BMPR1A: variants seen among roughly 807,000 people sequenced by gnomAD.
BMPR1A encodes bone morphogenetic protein receptor type 1A.
BMPR1A carries 7 observed loss-of-function variants against 66.0 expected under a neutral mutation model. The observed-to-expected ratio is 0.11, with a 90% CI of 0.06 to 0.20. The LOEUF is 0.20. Among genes scored for constraint, BMPR1A ranks in the 10% least tolerant of loss-of-function variants. The probability of loss-of-function intolerance (pLI) is 1.00; values close to 1 mark genes in which losing one functional copy is unlikely to be tolerated. For missense variants in BMPR1A, 408 were observed against 669.1 expected (o/e 0.61, Z 4.31); for synonymous variants, 200 against 229.7 (o/e 0.87, Z 1.17).
chr10:86,836,677 AG>A (rs1447340707), intron 1 of BMPR1A, among the ~76,000 whole-genome samples: 2 of 152,202 alleles, frequency 1.3e-5, no homozygotes, highest in African/African-American at 4.8e-5. Context: ...GTTCGCCTGT[AG>A]TCCCAGCTAC....
intron 2 of BMPR1A, among the ~76,000 whole-genome samples, chr10:86,848,892 C>A (rs2354355): frequency 1.3e-5 from 2 of 151,962 alleles, no homozygotes; most frequent in African/African-American, 4.8e-5. Flanking sequence ...TTTTATCAGC[C>A]CCCCCTCTAT....
rs947225412 is a variant in BMPR1A, at chr10:86,927,231, A to G, written c.*3512A>G. The G allele has an allele frequency of 3.7e-5, 7 of 190,380 alleles. No homozygotes were observed. Among genetic ancestry groups the G allele is most frequent in the African/African-American group, 9.3e-5 (4 of 42,910 alleles). The allele number at this position is 190,380 out of a possible 1,614,324, so 11.8% of individuals were successfully genotyped here. ...GCATCTTTGGGTTGGCCCAGGATCA[A>G]ATTTGATATTGAATAATTTATTCCA... On this transcript the variant is annotated 3_prime_UTR_variant, in exon 13 of 13. Coordinates refer to ENST00000372037, the MANE Select transcript of BMPR1A (RefSeq NM_004329.3).
At chr10:86,862,912 A>G (rs1842731243) in intron 2 of BMPR1A, among the ~76,000 whole-genome samples, 1 of 152,148 alleles carries the variant, frequency 6.6e-6, no homozygotes, top group Admixed American at 6.5e-5. Flanking sequence ...AAGGAAAGAT[A>G]AATAGTGACA....
At chr10:86,860,411 A>G (rs1589750258) in intron 2 of BMPR1A, among the ~76,000 whole-genome samples, 2 of 152,248 alleles carry the variant, frequency 1.3e-5, no homozygotes, top group East Asian at 1.9e-4. Context: ...ATAAAAGGCA[A>G]GTTGATGTGT....
chr10:86,826,005 A>G (rs932835425), intron 1 of BMPR1A, among the ~76,000 whole-genome samples: 3 of 152,230 alleles, frequency 2.0e-5, no homozygotes, highest in African/African-American at 7.2e-5. Flanking sequence ...GAAAAGTTGA[A>G]TGAATAGTGA....
intron 3 of BMPR1A, among the ~76,000 whole-genome samples, chr10:86,876,549 C>T (rs1025155925): frequency 6.6e-6 from 1 of 151,964 alleles, no homozygotes. Context: ...TTTGGGAGGC[C>T]GAGGTGGGCG....
At chr10:86,809,595 C>CTTTTTTTTTTTTTTTTT (rs71019431) in intron 1 of BMPR1A, among the ~76,000 whole-genome samples, 3 of 123,882 alleles carry the variant, frequency 2.4e-5, no homozygotes, top group African/African-American at 6.3e-5. Context: ...CACCCGACCT[C>CTTTTTTTTTTTTTTTTT]TTTTTTTTTT....
rs1316015968 is a variant in BMPR1A, at chr10:86,833,492, T to A, written c.-267-5373T>A. On this transcript the variant is annotated intron_variant, in intron 1 of 12. Transcript: ENST00000372037. ...TGAGCAGCATTTAGTAACTCCTGAG[T>A]ATAATAGATGAAGCAGAGGGAGGTG... is the stretch of plus-strand genomic sequence containing the variant. 3.3e-5 allele frequency among the ~76,000 whole-genome samples: 5 copies of A among 152,086 alleles called. 1 individual carries two copies. Among genetic ancestry groups the A allele is most frequent in the African/African-American group, 1.2e-4 (5 of 41,400 alleles).
intron 1 of BMPR1A, among the ~76,000 whole-genome samples, chr10:86,786,232 T>G (rs1841514241): frequency 6.6e-6 from 1 of 152,192 alleles, no homozygotes; most frequent in African/African-American, 2.4e-5. Flanking sequence ...AACAACATAC[T>G]GTTGTTTCTC....
intron 1 of BMPR1A, among the ~76,000 whole-genome samples, chr10:86,796,661 C>T (rs1841715844): frequency 1.3e-5 from 2 of 151,772 alleles, no homozygotes; most frequent in African/African-American, 4.8e-5. Flanking sequence ...ACTGCAACTT[C>T]CCCCTCCTAG....
chr10:86,841,186 A>G (rs1038593437), intron 2 of BMPR1A, among the ~76,000 whole-genome samples: 5 of 152,222 alleles, frequency 3.3e-5, no homozygotes, highest in African/African-American at 1.2e-4. Flanking sequence ...GTCAGAATGC[A>G]AAACATTAAA....
At chr10:86,757,652 A>G (rs943599550) in intron 1 of BMPR1A, among the ~76,000 whole-genome samples, 3 of 152,202 alleles carry the variant, frequency 2.0e-5, no homozygotes, top group Non-Finnish European at 4.4e-5. Context: ...AATTTGGTCA[A>G]ACTCCTGCAG....
intron 1 of BMPR1A, among the ~76,000 whole-genome samples, chr10:86,763,349 C>G (rs1199500049): frequency 1.3e-5 from 2 of 152,070 alleles, no homozygotes; most frequent in East Asian, 3.8e-4. Flanking sequence ...ATGTCTGATA[C>G]TGGTTTTACT....
At chr10:86,834,566 G>A (rs1391091187) in intron 1 of BMPR1A, among the ~76,000 whole-genome samples, 1 of 152,150 alleles carries the variant, frequency 6.6e-6, no homozygotes, top group Non-Finnish European at 1.5e-5. Context: ...AAGGCATCTT[G>A]AGTTTCAAAA....
At chr10:86,767,816 C>T (rs1841192537) in intron 1 of BMPR1A, among the ~76,000 whole-genome samples, 1 of 152,180 alleles carries the variant, frequency 6.6e-6, no homozygotes, top group Non-Finnish European at 1.5e-5. Context: ...TAAATCCCTT[C>T]CTTGGGAGTT....
intron 2 of BMPR1A, among the ~76,000 whole-genome samples, chr10:86,867,529 G>A (rs756203837): frequency 3.9e-5 from 6 of 152,170 alleles, no homozygotes; most frequent in Non-Finnish European, 8.8e-5. Flanking sequence ...CAGACATTAC[G>A]AATCTCTTCG....
At chr10:86,884,771 C>T (rs891373622) in intron 3 of BMPR1A, among the ~76,000 whole-genome samples, 1 of 151,754 alleles carries the variant, frequency 6.6e-6, no homozygotes, top group Non-Finnish European at 1.5e-5. Flanking sequence ...CTTTTTTTTG[C>T]CATTCAGTGA....
At chr10:86,761,722 G>T (rs1057445277) in intron 1 of BMPR1A, among the ~76,000 whole-genome samples, 1 of 152,200 alleles carries the variant, frequency 6.6e-6, no homozygotes, top group East Asian at 1.9e-4. Flanking sequence ...GATAATTAGG[G>T]CCTGGAATGG....
intron 3 of BMPR1A, chr10:86,889,698 T>G: frequency 4.0e-6 from 1 of 247,458 alleles, no homozygotes; most frequent in South Asian, 4.9e-5. Flanking sequence ...ACTGCATAAT[T>G]GTGGTGGTGG....
Sources: gnomAD v4.1 joint callset for allele counts (sites outside exome capture counted in the v4.1 genomes callset) on GRCh38, gnomAD v4.1.1 for gene constraint, MANE v1.5 for transcripts, NCBI Gene and HGNC (gene_info 2026-07-23, HGNC 2026-07-21) for gene names.